NBAS: variants seen among roughly 807,000 people sequenced by gnomAD.
NBAS encodes the protein NBAS subunit of NRZ tethering complex, also known as NAG/BC035112 fusion.
NBAS carries 219 observed loss-of-function variants against 302.5 expected under a neutral mutation model. That is an observed-to-expected ratio of 0.72 (90% CI 0.65 to 0.81). NBAS has a LOEUF of 0.81. Ranked by LOEUF, NBAS falls within the 30% of genes least tolerant of loss-of-function variation. NBAS has a pLI of 0.00. For missense variants in NBAS, 2,932 were observed against 2,841.6 expected, an observed-to-expected ratio of 1.03 and a Z score of -0.72; for synonymous variants, 1,118 against 1,021.6, an observed-to-expected ratio of 1.09 and a Z score of -1.80.
chr2:15,058,434 T>G, the NBAS span, among the ~76,000 whole-genome samples: 7 of 152,298 alleles, frequency 4.6e-5, no homozygotes, highest in African/African-American at 1.4e-4. Context: ...ACAAGAAATA[T>G]CCACAAATAA....
chr2:15,360,788 G>A (rs1673876543), intron 32 of NBAS, among the ~76,000 whole-genome samples: 1 of 151,770 alleles, frequency 6.6e-6, no homozygotes, highest in Non-Finnish European at 1.5e-5. Context: ...TGTCCCACTG[G>A]AAGGCCTTCG....
chr2:15,076,434 T>C, the NBAS span, among the ~76,000 whole-genome samples: 1 of 152,204 alleles, frequency 6.6e-6, no homozygotes, highest in African/African-American at 2.4e-5. Context: ...ATCTAAAGGA[T>C]ATAAGGGAAA....
the NBAS span, among the ~76,000 whole-genome samples, chr2:14,863,748 G>C: frequency 6.6e-6 from 1 of 152,126 alleles, no homozygotes. Context: ...TTTAATACAT[G>C]GATATGTCAA....
At chr2:15,090,398 C>T in the NBAS span, among the ~76,000 whole-genome samples, 3 of 152,210 alleles carry the variant, frequency 2.0e-5, no homozygotes, top group Admixed American at 2.0e-4. Context: ...CTGGGTCAAC[C>T]AGCGTTCATA....
At chr2:14,956,305 T>C in the NBAS span, among the ~76,000 whole-genome samples, 6 of 152,198 alleles carry the variant, frequency 3.9e-5, no homozygotes, top group African/African-American at 1.4e-4. Flanking sequence ...AACTTTCCCA[T>C]ATCTTTCTGT....
the NBAS span, among the ~76,000 whole-genome samples, chr2:15,150,373 C>T: frequency 6.6e-6 from 1 of 152,110 alleles, no homozygotes; most frequent in Admixed American, 6.6e-5. Flanking sequence ...GATTTTCATG[C>T]TAAGTCACCC....
At chr2:14,837,805 T>C in the NBAS span, among the ~76,000 whole-genome samples, 4 of 151,862 alleles carry the variant, frequency 2.6e-5, no homozygotes, top group African/African-American at 9.7e-5. Flanking sequence ...ATTCCTTGTA[T>C]TTAATTTCTT....
At chr2:15,146,294 A>G in the NBAS span, among the ~76,000 whole-genome samples, 7 of 152,286 alleles carry the variant, frequency 4.6e-5, no homozygotes, top group African/African-American at 1.7e-4. Context: ...GGTACCTAGT[A>G]CGCACTTAAA....
intron 42 of NBAS, among the ~76,000 whole-genome samples, chr2:15,278,384 G>T (rs773028211): frequency 6.6e-6 from 1 of 152,002 alleles, no homozygotes; most frequent in Non-Finnish European, 1.5e-5. Context: ...CTCCTCTATT[G>T]GCACATGCTG....
rs527820902 is a variant in NBAS at position 15,236,366 on chromosome 2, G to A, written c.5944-1619C>T. Among the ~76,000 whole-genome samples the A allele has an allele frequency of 4.6e-5, 7 of 151,512 alleles. No homozygotes were observed. The South Asian group carries it at 1.5e-3, about 32-fold the overall frequency. The stretch of plus-strand genomic sequence containing the variant: ...ACTTTGAGACCAGCCTGGGCAACAT[G>A]GCGAAACTCTGTCCCTACAAAAAAT... On this transcript the variant is annotated intron_variant, in intron 45 of 51. Transcript: ENST00000281513.
intron 36 of NBAS, among the ~76,000 whole-genome samples, 182 bp from the exon 37 acceptor site, chr2:15,328,494 G>A (rs898685071): frequency 2.0e-5 from 3 of 152,046 alleles, no homozygotes; most frequent in Non-Finnish European, 2.9e-5. Context: ...ACACATATCC[G>A]GCAGAGAATG....
chr2:15,190,447 T>G, intron 48 of NBAS, 44 bp from the exon 49 acceptor site: 1 of 1,609,280 alleles, frequency 6.2e-7, no homozygotes, highest in African/African-American at 1.3e-5. Flanking sequence ...CAAAGGCTAC[T>G]GAATTGGTTT....
chr2:14,839,022 C>A, the NBAS span, among the ~76,000 whole-genome samples: 32,061 of 151,612 alleles, frequency 0.21, 5,479 homozygotes, highest in African/African-American at 0.47. Context: ...AAGAGGTAGG[C>A]TAAAGGGCAC....
At chr2:15,395,342 C>T (rs1472720164) in intron 27 of NBAS, among the ~76,000 whole-genome samples, 2 of 152,092 alleles carry the variant, frequency 1.3e-5, no homozygotes, top group African/African-American at 4.8e-5. Context: ...TACATTGACT[C>T]AACCCAACAA....
intron 35 of NBAS, among the ~76,000 whole-genome samples, chr2:15,348,871 G>C (rs370392370): frequency 1.6e-4 from 25 of 152,098 alleles, no homozygotes; most frequent in Admixed American, 1.2e-3. Flanking sequence ...ACAATACCAC[G>C]TCACACCGTA....
intron 25 of NBAS, among the ~76,000 whole-genome samples, chr2:15,413,428 A>G (rs1036728730): frequency 6.6e-6 from 1 of 152,360 alleles, no homozygotes; most frequent in African/African-American, 2.4e-5. Flanking sequence ...GATAAGAGCT[A>G]TAATAGAGAC....
chr2:15,162,455 G>T (rs879329237), downstream of NBAS, among the ~76,000 whole-genome samples: 1 of 152,126 alleles, frequency 6.6e-6, no homozygotes, highest in Non-Finnish European at 1.5e-5. Flanking sequence ...GACAGCCACC[G>T]GGGGAGCAGA....
intron 19 of NBAS, among the ~76,000 whole-genome samples, chr2:15,462,890 T>A (rs1396168022): frequency 6.6e-6 from 1 of 152,108 alleles, no homozygotes; most frequent in South Asian, 2.1e-4. Context: ...GGAACCTGCA[T>A]CTGAAAAGTA....
chr2:15,110,269 A>G, the NBAS span, among the ~76,000 whole-genome samples: 1 of 152,144 alleles, frequency 6.6e-6, no homozygotes, highest in Non-Finnish European at 1.5e-5. Context: ...CACAGTAGGT[A>G]GTTGTGAGAT....
Sources: gnomAD v4.1 joint callset for allele counts (sites outside exome capture counted in the v4.1 genomes callset) on GRCh38, gnomAD v4.1.1 for gene constraint, MANE v1.5 for transcripts, NCBI Gene and HGNC (gene_info 2026-07-23, HGNC 2026-07-21) for gene names.